Variants in CUX2 observed in about 807,000 individuals in gnomAD.
The protein encoded by CUX2 is homeobox protein cut-like 2.
Under a neutral mutation model 144.8 loss-of-function variants are expected in CUX2, and 40 were observed. The ratio of observed to expected loss-of-function variants is 0.28; its 90% CI spans 0.21 to 0.36. The LOEUF is 0.36. Among genes scored for constraint, CUX2 ranks in the 10% least tolerant of loss-of-function variants. CUX2 has a pLI of 1.00. For missense variants in CUX2, 1,615 were observed against 1,994.0 expected, an observed-to-expected ratio of 0.81 and a Z score of 3.62; for synonymous variants, 827 against 875.6, an observed-to-expected ratio of 0.94 and a Z score of 0.98.
intron 4 of CUX2, among the ~76,000 whole-genome samples, chr12:111,275,860 C>A (rs1374543455): frequency 6.6e-6 from 1 of 152,118 alleles, no homozygotes; most frequent in African/African-American, 2.4e-5. Context: ...TCAGGAGAGG[C>A]GGCCCAGGCT....
intron 1 of CUX2, among the ~76,000 whole-genome samples, chr12:111,055,419 C>T (rs1251500282): frequency 6.6e-6 from 1 of 152,254 alleles, no homozygotes; most frequent in Admixed American, 6.5e-5. Context: ...ATGAGGCGGC[C>T]CCGGCCCTCG....
At chr12:111,213,764 G>T (rs957605955) in intron 1 of CUX2, among the ~76,000 whole-genome samples, 2 of 152,080 alleles carry the variant, frequency 1.3e-5, no homozygotes, top group Non-Finnish European at 2.9e-5. Context: ...GAAAGCTGTC[G>T]ACAGCACTTT....
In CUX2 at chr12:111,178,533, G is replaced by A. The variant is rs1420533640; in HGVS notation, c.64-35667G>A. Among the ~76,000 whole-genome samples, 1 of 152,048 alleles carries A rather than the reference G, an allele frequency of 6.6e-6. No homozygotes were observed. The highest frequency in any genetic ancestry group is 1.9e-4 in the East Asian group (1 of 5,188). On this transcript the variant is annotated intron_variant, in intron 1 of 21. Transcript: ENST00000261726. The surrounding 1 kb of genome is among the most constrained non-coding windows in gnomAD (Gnocchi z 5.7). The stretch of plus-strand genomic sequence containing the variant: ...AAACACAGAACGTGACTGAGAACTA[G>A]AACTGGATTTGCAAGGGACCAGCTG...
chr12:111,118,480 A>C (rs1426963892), intron 1 of CUX2, among the ~76,000 whole-genome samples: 2 of 152,192 alleles, frequency 1.3e-5, no homozygotes, highest in East Asian at 3.9e-4. Context: ...AAGCATTACC[A>C]GTCAGGGCTT....
chr12:111,267,825 C>G (rs1257786790), intron 4 of CUX2, among the ~76,000 whole-genome samples: 3 of 152,074 alleles, frequency 2.0e-5, no homozygotes, highest in African/African-American at 7.2e-5. Flanking sequence ...TCTCTCTCTC[C>G]TTTTAAAAAA....
rs527287089 is a variant in CUX2 at position 111,109,225 on chromosome 12, G to A, written c.63+74985G>A. 5.3e-5 allele frequency among the ~76,000 whole-genome samples: 8 copies of A among 152,242 alleles called. No individual in the cohort carries two copies. The South Asian group carries it at 1.5e-3, about 28-fold the overall frequency. The stretch of plus-strand genomic sequence containing the variant: ...GGGCAATTTTCTCTACAGGGAAACC[G>A]CCCCTCATCAATTATTTGTTTACCC... On this transcript the variant is annotated intron_variant, in intron 1 of 21. Transcript: ENST00000261726.
intron 1 of CUX2, among the ~76,000 whole-genome samples, chr12:111,184,681 C>T (rs529063633): frequency 4.9e-4 from 74 of 151,586 alleles, no homozygotes; most frequent in Non-Finnish European, 8.1e-4. Flanking sequence ...CACTGGAGGC[C>T]AGGAGTTTAA....
chr12:111,162,329 T>C (rs1877828590), intron 1 of CUX2, among the ~76,000 whole-genome samples: 1 of 152,228 alleles, frequency 6.6e-6, no homozygotes, highest in Non-Finnish European at 1.5e-5. Flanking sequence ...TCCTTGGAGC[T>C]GTGGGCTTCT....
At chr12:111,329,696 C>T (rs1372108389) in intron 18 of CUX2, among the ~76,000 whole-genome samples, 4 of 152,104 alleles carry the variant, frequency 2.6e-5, no homozygotes, top group Non-Finnish European at 5.9e-5. Context: ...AGTGCAGTGG[C>T]GCAATCCCGG....
intron 1 of CUX2, among the ~76,000 whole-genome samples, chr12:111,166,946 C>A (rs1878184702): frequency 6.6e-6 from 1 of 152,150 alleles, no homozygotes; most frequent in Admixed American, 6.5e-5. Flanking sequence ...ACGTGGAGTG[C>A]CGTTTGGAGG....
intron 1 of CUX2, among the ~76,000 whole-genome samples, chr12:111,053,260 C>T (rs1315152479): frequency 1.3e-5 from 2 of 152,176 alleles, no homozygotes; most frequent in Admixed American, 6.5e-5. Context: ...GCTTGCTCCC[C>T]GGTGGCTCTT....
Position 111,320,540 on chromosome 12 carries a change from A to C in CUX2, c.2531A>C (p.Asp844Ala). ...GACGAGGCGGCGGCAGGGGCGGAGGACGAACCCCCCAGGACGGGCGAGCTC... is the reference window on the plus strand; with the variant it reads ...GACGAGGCGGCGGCAGGGGCGGAGGCCGAACCCCCCAGGACGGGCGAGCTC... Reference protein sequence around the residue: ...PEDEAAAGAEDEPPRTGELKA... With the variant: ...PEDEAAAGAEAEPPRTGELKA... Residue 844 changes from aspartate (D) to alanine (A), a missense_variant, in exon 17 of 22, where the codon GAC (aspartate) becomes GCC (alanine). By Grantham distance (126) the Asp-to-Ala change is moderately radical (BLOSUM62 -2). Transcript: ENST00000261726. This position sits in a 1 kb window ranked among gnomAD's most constrained non-coding sequence, Gnocchi z 8.1. The C allele has an allele frequency of 6.4e-7, 1 of 1,552,000 alleles. No homozygotes were observed. The highest frequency in any genetic ancestry group is 8.6e-7 in the Non-Finnish European group (1 of 1,156,590).
intron 10 of CUX2, among the ~76,000 whole-genome samples, chr12:111,306,324 TG>T (rs1427348478): frequency 2.5e-5 from 3 of 121,278 alleles, no homozygotes; most frequent in South Asian, 2.7e-4. Flanking sequence ...TTTGTTTGTT[TG>T]GTTTTTTTTT....
At chr12:111,282,950 C>T (rs376532733) in intron 4 of CUX2, among the ~76,000 whole-genome samples, 4 of 152,028 alleles carry the variant, frequency 2.6e-5, no homozygotes, top group African/African-American at 4.8e-5. Context: ...TGGTGGCTCA[C>T]GTCTGTAATC....
At chr12:111,211,297 G>A (rs1157861674) in intron 1 of CUX2, among the ~76,000 whole-genome samples, 1 of 152,174 alleles carries the variant, frequency 6.6e-6, no homozygotes, top group African/African-American at 2.4e-5. Flanking sequence ...TGGGGTCAGG[G>A]TGAGGGGACT....
rs183602944 is a variant in CUX2, at chr12:111,301,020, C to T, written c.753+2431C>T. 4.3e-3 allele frequency among the ~76,000 whole-genome samples: 557 copies of T among 130,210 alleles called. 5 individuals carry two copies. The highest frequency in any genetic ancestry group is 0.016 in the African/African-American group (514 of 32,728). 85.4% of individuals were successfully genotyped at this position (130,210 alleles called of 152,430 possible). ...CACTACTGCATTCCAGCCTGGACAA[C>T]AGAGTGAGACCCTATCTCAAAAAAA... On this transcript the variant is annotated intron_variant, in intron 9 of 21. Coordinates refer to ENST00000261726, the MANE Select transcript of CUX2 (RefSeq NM_015267.4).
Position 111,327,043 on chromosome 12 carries a change from C to T in CUX2, c.2926+4463C>T, listed in dbSNP as rs151113011. Among the ~76,000 whole-genome samples the T allele has an allele frequency of 6.9e-4, 105 of 152,304 alleles. 1 individual carries two copies. In the East Asian group the frequency reaches 0.01, roughly 15 times the overall value. On this transcript the variant is annotated intron_variant, in intron 18 of 21. Coordinates refer to ENST00000261726, the MANE Select transcript of CUX2 (RefSeq NM_015267.4). The stretch of plus-strand genomic sequence containing the variant: ...CTGTCTAATTCCAGAATATTCCCAC[C>T]GCCCCAAAAAGGAACCCCATACCCA...
At chr12:111,274,921 G>C (rs183209722) in intron 4 of CUX2, among the ~76,000 whole-genome samples, 1 of 150,082 alleles carries the variant, frequency 6.7e-6, no homozygotes, top group African/African-American at 2.5e-5. Flanking sequence ...GATAGAGACA[G>C]CTCTAGATTC....
intron 19 of CUX2, among the ~76,000 whole-genome samples, chr12:111,336,894 G>T (rs1356534838): frequency 6.6e-6 from 1 of 151,866 alleles, no homozygotes; most frequent in Non-Finnish European, 1.5e-5. Context: ...TGAACACTAG[G>T]CTGGGTGTAG....
Sources: gnomAD v4.1 joint callset for allele counts (sites outside exome capture counted in the v4.1 genomes callset) on GRCh38, gnomAD v4.1.1 for gene constraint, Gnocchi (gnomAD v3.1) non-coding constraint, MANE v1.5 for transcripts, NCBI Gene and HGNC (gene_info 2026-07-23, HGNC 2026-07-21) for gene names.